The following VWA8 variants were observed in gnomAD, a reference collection of about 807,000 sequenced individuals.
VWA8 encodes the protein von Willebrand factor A domain-containing protein 8.
Under a neutral mutation model 241.5 loss-of-function variants are expected in VWA8, and 221 were observed. The observed-to-expected ratio is 0.91, with a 90% CI of 0.82 to 1.02. VWA8 has a LOEUF of 1.02. Among genes scored for constraint, VWA8 ranks in the 50% least tolerant of loss-of-function variants. The pLI is 0.00. For missense variants in VWA8, 2,322 were observed against 2,328.7 expected, an observed-to-expected ratio of 1.00 and a Z score of 0.06; for synonymous variants, 852 against 827.1, an observed-to-expected ratio of 1.03 and a Z score of -0.52.
At chr13:41,878,810 C>T (rs925915731) in intron 9 of VWA8, among the ~76,000 whole-genome samples, 3 of 152,118 alleles carry the variant, frequency 2.0e-5, no homozygotes. Flanking sequence ...AAATTCAACT[C>T]TTTAAAGATA....
chr13:41,823,216 G>T (rs1333007598), intron 14 of VWA8, among the ~76,000 whole-genome samples: 1 of 151,980 alleles, frequency 6.6e-6, no homozygotes, highest in Non-Finnish European at 1.5e-5. Context: ...TTCAAATACG[G>T]GTAAGAGTTA....
At chr13:41,704,660 G>A (rs2045271602) in intron 26 of VWA8, among the ~76,000 whole-genome samples, 1 of 151,728 alleles carries the variant, frequency 6.6e-6, no homozygotes, top group African/African-American at 2.4e-5. Context: ...GTAGAAGCAG[G>A]GTCTTGCTGT....
At chr13:41,852,113 T>G (rs1872552090) in intron 12 of VWA8, among the ~76,000 whole-genome samples, 1 of 152,244 alleles carries the variant, frequency 6.6e-6, no homozygotes, top group Non-Finnish European at 1.5e-5. Context: ...TTTTCGATAT[T>G]AGCCACTCTA....
intron 41 of VWA8, among the ~76,000 whole-genome samples, chr13:41,589,616 C>G (rs935041651): frequency 2.0e-5 from 3 of 152,196 alleles, no homozygotes; most frequent in Non-Finnish European, 4.4e-5. Context: ...ATAATTTGTT[C>G]TCTGAAGTTT....
chr13:41,685,472 A>G (rs2045130042), intron 34 of VWA8, among the ~76,000 whole-genome samples: 1 of 152,160 alleles, frequency 6.6e-6, no homozygotes. Flanking sequence ...CCTGGGCAAC[A>G]TAGTGAAACC....
chr13:41,745,376 G>A (rs1407303932), intron 21 of VWA8, among the ~76,000 whole-genome samples: 1 of 152,054 alleles, frequency 6.6e-6, no homozygotes, highest in Non-Finnish European at 1.5e-5. Context: ...ACCTATGAGT[G>A]AGAACATGTG....
chr13:41,614,356 T>C (rs2044608029), intron 38 of VWA8, among the ~76,000 whole-genome samples: 1 of 152,180 alleles, frequency 6.6e-6, no homozygotes, highest in Non-Finnish European at 1.5e-5. Context: ...CTCGCAGATG[T>C]GTCTGCTCCA....
chr13:41,853,060 T>A (rs1203155327), intron 12 of VWA8, among the ~76,000 whole-genome samples: 1 of 152,162 alleles, frequency 6.6e-6, no homozygotes, highest in African/African-American at 2.4e-5. Flanking sequence ...GTTTTCTATA[T>A]ATAAGATCAT....
intron 6 of VWA8, among the ~76,000 whole-genome samples, 170 bp downstream of exon 6, chr13:41,887,027 A>C (rs1209579529): frequency 2.6e-5 from 4 of 152,224 alleles, no homozygotes; most frequent in Non-Finnish European, 5.9e-5. Context: ...TAATGCCATA[A>C]TAATTTTTCT....
At chr13:41,851,477 G>C (rs1872530158) in intron 12 of VWA8, among the ~76,000 whole-genome samples, 1 of 152,174 alleles carries the variant, frequency 6.6e-6, no homozygotes, top group African/African-American at 2.4e-5. Flanking sequence ...CCCACATGTA[G>C]TGGGAGGGAC....
intron 17 of VWA8, among the ~76,000 whole-genome samples, chr13:41,789,709 C>T (rs895616539): frequency 3.9e-5 from 6 of 152,014 alleles, no homozygotes; most frequent in African/African-American, 1.4e-4. Context: ...CTCACATCAC[C>T]AGCGCTAGGA....
chr13:41,914,431 CCT>C (rs1453441602), intron 2 of VWA8, among the ~76,000 whole-genome samples: 2 of 152,092 alleles, frequency 1.3e-5, no homozygotes, highest in Non-Finnish European at 2.9e-5. Context: ...TATCACATGC[CCT>C]TTTACCTATT....
chr13:41,685,108 C>T lies in VWA8; in HGVS notation c.4266G>A (p.Thr1422=), dbSNP rs777233669. ...GGGGTAAAATCCTCACTACCTGATTCGTATCTAAAAGAGTCACACAATTGC... is the reference window on the plus strand; with the variant it reads ...GGGGTAAAATCCTCACTACCTGATTTGTATCTAAAAGAGTCACACAATTGC... ...KQSNCVTLLD[T]NQVVRILPPG... The change falls in exon 35 of 45, where the codon ACG becomes ACA. Residue 1422 remains threonine, a synonymous_variant. Transcript: ENST00000379310. 1.3e-5 allele frequency: 21 copies of T among 1,613,556 alleles called. No individual in the cohort carries two copies. Among genetic ancestry groups the T allele is most frequent in the South Asian group, 3.3e-5 (3 of 91,064 alleles).
At chr13:41,783,399 G>C (rs568058772) in intron 19 of VWA8, among the ~76,000 whole-genome samples, 1 of 152,002 alleles carries the variant, frequency 6.6e-6, no homozygotes, top group African/African-American at 2.4e-5. Context: ...TAGCACTTTG[G>C]GAGGCTGAAG....
chr13:41,595,265 T>C (rs1023531044), intron 40 of VWA8, among the ~76,000 whole-genome samples: 1 of 152,174 alleles, frequency 6.6e-6, no homozygotes, highest in African/African-American at 2.4e-5. Flanking sequence ...AGGTACTCTC[T>C]AGCTTGAAGA....
At chr13:41,612,006 G>A (rs1442751526) in intron 38 of VWA8, among the ~76,000 whole-genome samples, 2 of 152,126 alleles carry the variant, frequency 1.3e-5, no homozygotes, top group Admixed American at 1.3e-4. Context: ...CCATACTCTT[G>A]TGTACTATTT....
intron 13 of VWA8, among the ~76,000 whole-genome samples, chr13:41,832,228 C>T (rs1028271025): frequency 3.3e-5 from 5 of 152,182 alleles, no homozygotes; most frequent in Non-Finnish European, 5.9e-5. Context: ...TACACCTGGC[C>T]GGCATCAGTA....
At chr13:41,658,245 G>A (rs796241946) in intron 37 of VWA8, among the ~76,000 whole-genome samples, 1 of 152,170 alleles carries the variant, frequency 6.6e-6, no homozygotes, top group Non-Finnish European at 1.5e-5. Flanking sequence ...GATAGATGGC[G>A]CTCAGGAGTT....
At chr13:41,921,063 C>T (rs1876505748) in intron 2 of VWA8, among the ~76,000 whole-genome samples, 1 of 152,158 alleles carries the variant, frequency 6.6e-6, no homozygotes, top group Non-Finnish European at 1.5e-5. Flanking sequence ...CCAAAAACAG[C>T]AGCACATCAA....
Sources: allele counts gnomAD v4.1 joint callset (sites outside exome capture counted in the v4.1 genomes callset), GRCh38; gene constraint gnomAD v4.1.1; transcripts MANE v1.5; gene names NCBI Gene and HGNC (gene_info 2026-07-23, HGNC 2026-07-21).